The following N4BP2L2 variants were observed in gnomAD, a reference collection of about 807,000 sequenced individuals.
N4BP2L2 encodes the protein NEDD4 binding protein 2 like 2.
Under a neutral mutation model 56.2 loss-of-function variants are expected in N4BP2L2, and 50 were observed. The observed-to-expected ratio is 0.89, with a 90% confidence interval of 0.71 to 1.13. The LOEUF (loss-of-function observed/expected upper bound fraction) is 1.13. N4BP2L2 is among the 50% of genes most tolerant of loss of function. The probability of loss-of-function intolerance (pLI) is 0.00; values close to 1 mark genes in which losing one functional copy is unlikely to be tolerated. For missense variants in N4BP2L2, 689 were observed against 693.8 expected (o/e 0.99, Z 0.08); for synonymous variants, 203 against 223.6 (o/e 0.91, Z 0.82).
At chr13:32,436,528 G>A (rs1593363519) in intron 8 of N4BP2L2, 1 of 407,004 alleles carries the variant, frequency 2.5e-6, no homozygotes. Flanking sequence ...AGTGGCTCAC[G>A]CCTGTAATCC....
exon 6 of N4BP2L2, chr13:32,517,585 G>A: frequency 2.3e-6 from 3 of 1,314,138 alleles, no homozygotes; most frequent in Middle Eastern, 3.0e-4. Context: ...TAACAGCCAA[G>A]AGTATTACAA....
At chr13:32,445,040 G>A (rs2076833447) in intron 6 of N4BP2L2, among the ~76,000 whole-genome samples, 1 of 152,206 alleles carries the variant, frequency 6.6e-6, no homozygotes, top group Non-Finnish European at 1.5e-5. Context: ...CCTGAGGTCA[G>A]GAGTTCGAGA....
At chr13:32,475,001 G>T (rs1351389457) in intron 6 of N4BP2L2, among the ~76,000 whole-genome samples, 2 of 152,098 alleles carry the variant, frequency 1.3e-5, no homozygotes, top group African/African-American at 4.8e-5. Context: ...ATTAAAAAGT[G>T]TCACTTAGCA....
Position 32,442,232 on chromosome 13 carries a change from C to G in N4BP2L2, c.2104+156G>C, listed in dbSNP as rs1435874825. Among the ~76,000 whole-genome samples the G allele has an allele frequency of 3.9e-5, 6 of 152,198 alleles. No individual in the cohort carries two copies. In the South Asian group the frequency reaches 1.2e-3, roughly 31 times the overall value. On this transcript the variant is annotated intron_variant, in intron 7 of 9. Transcript: ENST00000357505. ...AGCAAAGGGTGGGGACTTTGAAGATCAAGCACCGTTTGCTATGGATCCTCA... is the reference window on the plus strand; with the variant it reads ...AGCAAAGGGTGGGGACTTTGAAGATGAAGCACCGTTTGCTATGGATCCTCA...
At chr13:32,473,649 T>A (rs996640971) in intron 6 of N4BP2L2, among the ~76,000 whole-genome samples, 4 of 152,202 alleles carry the variant, frequency 2.6e-5, no homozygotes, top group African/African-American at 9.7e-5. Flanking sequence ...TATGAGAGAA[T>A]CCATTTCCTT....
chr13:32,511,453 T>C (rs2048120699), exon 6 of N4BP2L2: 1 of 152,234 alleles, frequency 6.6e-6, no homozygotes. Flanking sequence ...ATTAAGTTAA[T>C]GTAAATATTT....
intron 6 of N4BP2L2, among the ~76,000 whole-genome samples, chr13:32,488,397 T>C (rs1379238230): frequency 6.6e-6 from 1 of 152,098 alleles, no homozygotes; most frequent in African/African-American, 2.4e-5. Context: ...AGAGACACTG[T>C]GGACTACTAG....
chr13:32,485,092 TAG>T (rs1176706444), intron 6 of N4BP2L2, among the ~76,000 whole-genome samples: 2 of 152,240 alleles, frequency 1.3e-5, no homozygotes, highest in Non-Finnish European at 2.9e-5. Flanking sequence ...AAAATTTCAC[TAG>T]AAATATGTCA....
Position 32,468,415 on chromosome 13 carries a change from A to G in N4BP2L2, c.366-24289T>C, listed in dbSNP as rs377093735. ...GCTACTGTGTCCCAGACATTGTAAGATAAGGCAGCCAAAGAGTTGATACTC... is the reference window on the plus strand; with the variant it reads ...GCTACTGTGTCCCAGACATTGTAAGGTAAGGCAGCCAAAGAGTTGATACTC... On this transcript the variant is annotated intron_variant, in intron 6 of 9. Coordinates refer to the N4BP2L2 transcript ENST00000357505. Among the ~76,000 whole-genome samples the G allele has an allele frequency of 1.8e-4, 27 of 152,376 alleles. No individual in the cohort carries two copies. The South Asian group carries it at 5.4e-3, about 30-fold the overall frequency.
rs146951297 is a variant in N4BP2L2, at chr13:32,470,159, C to T, written c.366-26033G>A. 1.4e-3 allele frequency among the ~76,000 whole-genome samples: 208 copies of T among 152,284 alleles called. 1 individual carries two copies. Among genetic ancestry groups the T allele is most frequent in the African/African-American group, 4.5e-3 (188 of 41,560 alleles). ...GCATTCTGGGGGTGGATGTTTTGCA[C>T]AGCTTGGCAGCTGTGCTGTCTGTCA... On this transcript the variant is annotated intron_variant, in intron 6 of 9. Transcript: ENST00000357505.
At chr13:32,492,127 G>A (rs1018680938) in intron 6 of N4BP2L2, among the ~76,000 whole-genome samples, 1 of 152,128 alleles carries the variant, frequency 6.6e-6, no homozygotes, top group Admixed American at 6.6e-5. Context: ...GTTATATTAC[G>A]TAACTTGTTT....
chr13:32,438,302 G>T (rs1390943045), intron 8 of N4BP2L2, among the ~76,000 whole-genome samples: 1 of 152,102 alleles, frequency 6.6e-6, no homozygotes, highest in East Asian at 1.9e-4. Flanking sequence ...GATGAACCTG[G>T]AAGAAATTAT....
chr13:32,513,035 A>C (rs1420636337), exon 6 of N4BP2L2: 1 of 152,104 alleles, frequency 6.6e-6, no homozygotes, highest in Non-Finnish European at 1.5e-5. Flanking sequence ...CCGTCTCAAA[A>C]AAAAAAAAAA....
At chr13:32,471,895 G>C (rs758424228) in intron 6 of N4BP2L2, among the ~76,000 whole-genome samples, 1 of 152,090 alleles carries the variant, frequency 6.6e-6, no homozygotes, top group Non-Finnish European at 1.5e-5. Context: ...ACTGACACTG[G>C]GTGTGACAGC....
At chr13:32,486,485 G>T (rs2085888209) in intron 6 of N4BP2L2, among the ~76,000 whole-genome samples, 1 of 151,800 alleles carries the variant, frequency 6.6e-6, no homozygotes, top group South Asian at 2.1e-4. Context: ...AGACCAGCCT[G>T]GCCAACATGG....
At chr13:32,480,782 TGTATA>T in intron 6 of N4BP2L2, 2 of 398,214 alleles carry the variant, frequency 5.0e-6, no homozygotes, top group Non-Finnish European at 8.6e-6. Context: ...TCTCCAAGAC[TGTATA>T]GTTAATAGAA....
chr13:32,473,885 CA>C (rs1410773726), intron 6 of N4BP2L2, among the ~76,000 whole-genome samples: 10 of 152,306 alleles, frequency 6.6e-5, no homozygotes, highest in African/African-American at 2.4e-4. Context: ...AGTTGATGAG[CA>C]ACCTTAATTC....
At chr13:32,517,780 G>C in exon 6 of N4BP2L2, 1 of 1,610,932 alleles carries the variant, frequency 6.2e-7, no homozygotes, top group African/African-American at 1.3e-5. Context: ...AACAACAAAT[G>C]TGTTAGCTGA....
intron 6 of N4BP2L2, among the ~76,000 whole-genome samples, chr13:32,470,408 A>G (rs969317022): frequency 2.0e-5 from 3 of 152,146 alleles, no homozygotes; most frequent in Admixed American, 2.0e-4. Flanking sequence ...GCCTTTTCCA[A>G]TAGCCAAGCA....
Sources: allele counts gnomAD v4.1 joint callset (sites outside exome capture counted in the v4.1 genomes callset), GRCh38; gene constraint gnomAD v4.1.1; transcripts MANE v1.5; gene names NCBI Gene and HGNC (gene_info 2026-07-23, HGNC 2026-07-21).